POU3F3: variants seen among roughly 807,000 people sequenced by gnomAD.
The protein encoded by POU3F3 is POU domain, class 3, transcription factor 3.
A neutral mutation model predicts 8.6 loss-of-function variants in POU3F3; 1 was observed. That is an observed-to-expected ratio of 0.12 (90% CI 0.04 to 0.55). The LOEUF is 0.55. POU3F3 is among the 20% of genes least tolerant of loss of function. The pLI, the probability that POU3F3 is intolerant of heterozygous loss-of-function variation, is 0.91. For missense variants in POU3F3, 577 were observed against 690.7 expected (o/e 0.84, Z 1.84); for synonymous variants, 418 against 327.4 (o/e 1.28, Z -2.99).
chr2:104,889,254 C>A, the POU3F3 span, among the ~76,000 whole-genome samples: 4 of 152,156 alleles, frequency 2.6e-5, no homozygotes, highest in Non-Finnish European at 4.4e-5. Context: ...CTCACAGACA[C>A]TTTGAAGGGT....
rs1169845414 is a variant in POU3F3 at position 104,855,322 on chromosome 2, A to AGGCGGC, written c.-183_-178dup. On this transcript the variant is annotated 5_prime_UTR_variant, in exon 1 of 1. Coordinates refer to ENST00000361360, the MANE Select transcript of POU3F3 (RefSeq NM_006236.3). ...GCGGCGGCGGCGGCGGCGGGGGCGGAGGCGGCGGCGGAGGAGGAGGCGGCG... is the reference window on the plus strand; with the variant it reads ...GCGGCGGCGGCGGCGGCGGGGGCGGAGGCGGCGGCGGCGGCGGAGGAGGAGGCGGCG... Among the ~76,000 whole-genome samples, 1 of 100,258 alleles carries AGGCGGC rather than the reference A, an allele frequency of 1.0e-5. No individual in the cohort carries two copies. Among genetic ancestry groups the AGGCGGC allele is most frequent in the Non-Finnish European group, 2.1e-5 (1 of 47,392 alleles). The allele number at this position is 100,258 out of a possible 152,430, so 65.8% of individuals were successfully genotyped here.
the POU3F3 span, among the ~76,000 whole-genome samples, chr2:104,926,417 G>T: frequency 5.3e-5 from 8 of 152,226 alleles, no homozygotes; most frequent in South Asian, 2.1e-4. Context: ...ACCATCTCAT[G>T]CCAGTTAGAA....
chr2:104,858,817 T>A (rs954008238), downstream of POU3F3, among the ~76,000 whole-genome samples: 1 of 152,332 alleles, frequency 6.6e-6, no homozygotes, highest in African/African-American at 2.4e-5. Flanking sequence ...TTTTAGTGGA[T>A]GTCTTTAGTG....
Position 104,856,910 on chromosome 2 carries a change from C to G in POU3F3, c.1400C>G (p.Pro467Arg). Residue 467 changes from proline to arginine, a missense_variant, in exon 1 of 1, where the codon CCC becomes CGC. By Grantham distance (103) the Pro-to-Arg change is moderately radical. Transcript: ENST00000361360. ...RRQKEKRMTPPGIQQQTPDDV... is the reference protein window; with the variant it reads ...RRQKEKRMTPRGIQQQTPDDV... The stretch of plus-strand genomic sequence containing the variant: ...CAAAAGGAGAAGCGCATGACGCCGC[C>G]CGGGATCCAACAGCAGACGCCCGAC... 6.2e-7 allele frequency: 1 copy of G among 1,613,846 alleles called. No individual in the cohort carries two copies. Among genetic ancestry groups the G allele is most frequent in the South Asian group, 1.1e-5 (1 of 91,076 alleles).
chr2:104,872,495 C>T, the POU3F3 span: 1 of 384,652 alleles, frequency 2.6e-6, no homozygotes, highest in African/African-American at 2.1e-5. The surrounding 1 kb of genome is among the most constrained non-coding windows in gnomAD (Gnocchi z 4.6). Context: ...AGCCTCCCTC[C>T]CGTTCCCAGC....
the POU3F3 span, among the ~76,000 whole-genome samples, chr2:104,924,203 G>T: frequency 6.6e-6 from 1 of 152,248 alleles, no homozygotes; most frequent in Middle Eastern, 3.4e-3. Flanking sequence ...AATCACTCCA[G>T]AACAAGAGGC....
At chr2:104,889,909 G>GA in the POU3F3 span, among the ~76,000 whole-genome samples, 5 of 150,342 alleles carry the variant, frequency 3.3e-5, no homozygotes, top group Non-Finnish European at 7.4e-5. Context: ...TTTCTTGTAA[G>GA]TTTTTTTTTT....
In POU3F3 at chr2:104,855,615, C is replaced by CGCA. The variant is rs1676541843; in HGVS notation, c.106_107insCAG (p.Gly35_Gly36insAla). On this transcript the variant is annotated inframe_insertion, in exon 1 of 1. Transcript: ENST00000361360. The stretch of plus-strand genomic sequence containing the variant: ...CAGGGGCTGGCGGCGGCGGGGGTGG[C>CGCA]GGCGGCGGCGGCGGCGGGGGCGGCG... 1 of 553,374 alleles carries CGCA rather than the reference C, an allele frequency of 1.8e-6. No homozygotes were observed. The highest frequency in any genetic ancestry group is 2.1e-6 in the Non-Finnish European group (1 of 471,926). The allele number at this position is 553,374 out of a possible 1,614,324, so 34.3% of individuals were successfully genotyped here.
At chr2:104,893,627 A>G in the POU3F3 span, among the ~76,000 whole-genome samples, 1 of 152,342 alleles carries the variant, frequency 6.6e-6, no homozygotes, top group East Asian at 1.9e-4. Flanking sequence ...CACACCTGTA[A>G]TCCCAGCACC....
At chr2:104,912,916 G>C in the POU3F3 span, among the ~76,000 whole-genome samples, 1 of 152,158 alleles carries the variant, frequency 6.6e-6, no homozygotes, top group Non-Finnish European at 1.5e-5. Context: ...GAAGATCCTG[G>C]AATATGTTCA....
the POU3F3 span, among the ~76,000 whole-genome samples, chr2:104,900,355 G>T: frequency 6.6e-6 from 1 of 152,156 alleles, no homozygotes; most frequent in Non-Finnish European, 1.5e-5. Flanking sequence ...TGGTAAAGAA[G>T]AAAGAAGAAC....
chr2:104,895,636 G>C, the POU3F3 span, among the ~76,000 whole-genome samples: 142 of 152,246 alleles, frequency 9.3e-4, no homozygotes, highest in African/African-American at 3.2e-3. Flanking sequence ...AGCCACAAGA[G>C]ACAAACAAAT....
At chr2:104,877,278 ATCTCTCTT>A in the POU3F3 span, among the ~76,000 whole-genome samples, 95,487 of 151,204 alleles carry the variant, frequency 0.63, 30,504 homozygotes, top group East Asian at 0.89. Flanking sequence ...AAGTATAAGC[ATCTCTCTT>A]TCTCTCTTCT....
At chr2:104,893,142 A>G in the POU3F3 span, among the ~76,000 whole-genome samples, 2 of 152,258 alleles carry the variant, frequency 1.3e-5, no homozygotes, top group African/African-American at 4.8e-5. Flanking sequence ...TTAGAATTTC[A>G]GAACCCTCCA....
At chr2:104,908,547 C>T in the POU3F3 span, among the ~76,000 whole-genome samples, 1 of 152,236 alleles carries the variant, frequency 6.6e-6, no homozygotes, top group Non-Finnish European at 1.5e-5. Context: ...GAATCTCCCA[C>T]TGTCCTCACT....
chr2:104,881,276 AC>A, the POU3F3 span, among the ~76,000 whole-genome samples: 1 of 151,228 alleles, frequency 6.6e-6, no homozygotes, highest in Non-Finnish European at 1.5e-5. Context: ...TCTTACCTCC[AC>A]CCCCTCAGTG....
chr2:104,920,891 T>C, the POU3F3 span, among the ~76,000 whole-genome samples: 2 of 152,104 alleles, frequency 1.3e-5, no homozygotes, highest in Non-Finnish European at 2.9e-5. Flanking sequence ...CTCTAAGGTG[T>C]TACTCTCAGC....
the POU3F3 span, among the ~76,000 whole-genome samples, chr2:104,886,144 C>G: frequency 6.6e-6 from 1 of 152,136 alleles, no homozygotes; most frequent in Non-Finnish European, 1.5e-5. Context: ...ACTCTAAGGA[C>G]TCACCCTGAA....
the POU3F3 span, among the ~76,000 whole-genome samples, chr2:104,874,070 T>C: frequency 6.6e-6 from 1 of 152,066 alleles, no homozygotes; most frequent in Non-Finnish European, 1.5e-5. Flanking sequence ...CCAGAGGGGC[T>C]TTTAGAGGAG....
Sources: gnomAD v4.1 joint callset for allele counts (sites outside exome capture counted in the v4.1 genomes callset) on GRCh38, gnomAD v4.1.1 for gene constraint, Gnocchi (gnomAD v3.1) non-coding constraint, MANE v1.5 for transcripts, NCBI Gene and HGNC (gene_info 2026-07-23, HGNC 2026-07-21) for gene names.